VPS41: variants seen among roughly 807,000 people sequenced by gnomAD.
VPS41 encodes vacuolar protein sorting-associated protein 41 homolog.
In VPS41, 85 loss-of-function variants were observed where a neutral mutation model predicts 130.9. The observed-to-expected ratio is 0.65, with a 90% CI of 0.55 to 0.78. The LOEUF (loss-of-function observed/expected upper bound fraction) is 0.78. Among genes scored for constraint, VPS41 ranks in the 30% least tolerant of loss-of-function variants. The probability of loss-of-function intolerance (pLI) is 0.00; values close to 1 mark genes in which losing one functional copy is unlikely to be tolerated. For synonymous variants in VPS41, 335 were observed against 332.9 expected (o/e 1.01, Z -0.07); for missense variants, 874 against 1,018.7 (o/e 0.86, Z 1.93).
intron 8 of VPS41, chr7:38,796,527 C>A (rs762651633): frequency 1.4e-6 from 1 of 697,212 alleles, no homozygotes; most frequent in South Asian, 1.5e-5. Flanking sequence ...GTTTCTTACT[C>A]TAAAATAGAT....
chr7:38,739,296 C>G (rs1795835770), intron 25 of VPS41, among the ~76,000 whole-genome samples: 1 of 152,122 alleles, frequency 6.6e-6, no homozygotes, highest in African/African-American at 2.4e-5. Flanking sequence ...GATGAACATG[C>G]AAAATTTCTC....
At chr7:38,821,122 TGGTA>T (rs1785162444) in intron 6 of VPS41, 77 bp downstream of exon 6, 2 of 999,270 alleles carry the variant, frequency 2.0e-6, no homozygotes, top group East Asian at 4.8e-5. Flanking sequence ...AATACAGAAG[TGGTA>T]ATGTTCAAAT....
At chr7:38,884,042 T>A (rs984347783) in intron 2 of VPS41, among the ~76,000 whole-genome samples, 1 of 152,216 alleles carries the variant, frequency 6.6e-6, no homozygotes, top group African/African-American at 2.4e-5. Flanking sequence ...CAGGGCACAT[T>A]ACCATTTTTG....
At chr7:38,743,372 G>T (rs1490727769) in intron 24 of VPS41, 30 bp downstream of exon 24, 1 of 1,612,804 alleles carries the variant, frequency 6.2e-7, no homozygotes, top group Non-Finnish European at 8.5e-7. Context: ...AGAAAAAAAA[G>T]TTATAACCAG....
chr7:38,738,170 T>G (rs1795809226), intron 25 of VPS41, among the ~76,000 whole-genome samples: 1 of 152,212 alleles, frequency 6.6e-6, no homozygotes, highest in Non-Finnish European at 1.5e-5. Flanking sequence ...GCTTGCTATT[T>G]TCTTTTCCCA....
At chr7:38,796,507 C>T in intron 8 of VPS41, 1 of 626,256 alleles carries the variant, frequency 1.6e-6, no homozygotes, top group Middle Eastern at 2.5e-4. Flanking sequence ...GGCTACTCTC[C>T]ATGCCTCAGG....
At chr7:38,819,369 T>C (rs1785122945) in intron 6 of VPS41, among the ~76,000 whole-genome samples, 1 of 152,216 alleles carries the variant, frequency 6.6e-6, no homozygotes, top group Non-Finnish European at 1.5e-5. Context: ...CTTTTCCTCT[T>C]CACTGGTTTT....
At chr7:38,772,147 C>A (rs1175021749) in intron 13 of VPS41, among the ~76,000 whole-genome samples, 3 of 152,032 alleles carry the variant, frequency 2.0e-5, no homozygotes, top group Non-Finnish European at 4.4e-5. Flanking sequence ...TAGTTCAAAC[C>A]ATCCTAAGTG....
chr7:38,820,145 C>T (rs1349382729), intron 6 of VPS41, among the ~76,000 whole-genome samples: 12 of 152,204 alleles, frequency 7.9e-5, no homozygotes, highest in Admixed American at 2.0e-4. Flanking sequence ...CACTAAGGCT[C>T]GCTAAGTCTA....
intron 10 of VPS41, among the ~76,000 whole-genome samples, chr7:38,787,590 C>T (rs932917945): frequency 3.3e-5 from 5 of 152,124 alleles, no homozygotes; most frequent in Non-Finnish European, 5.9e-5. Context: ...AACTTTCGTG[C>T]TATTTTTGAG....
At chr7:38,746,280 T>C (rs928374328) in intron 22 of VPS41, among the ~76,000 whole-genome samples, 1 of 151,494 alleles carries the variant, frequency 6.6e-6, no homozygotes, top group African/African-American at 2.4e-5. Flanking sequence ...AGACCTACTA[T>C]ATATTGATAA....
rs899516165 is a variant in VPS41, at chr7:38,862,478, A to C, written c.246+67T>G. On this transcript the variant is annotated intron_variant, in intron 4 of 28. Transcript: ENST00000310301. ...TGCTATTAAAACAAACTGGTAAACC[A>C]ATATTCTAAAACACAAATACTTAAC... 8.9e-6 allele frequency: 9 copies of C among 1,011,828 alleles called. No individual in the cohort carries two copies. In the African/African-American group the frequency reaches 1.3e-4, roughly 15 times the overall value. The allele number at this position is 1,011,828 out of a possible 1,614,324, so 62.7% of individuals were successfully genotyped here.
intron 18 of VPS41, 130 bp downstream of exon 18, chr7:38,758,224 T>A: frequency 1.2e-6 from 1 of 831,394 alleles, no homozygotes; most frequent in Non-Finnish European, 1.8e-6. Context: ...TATGAGAGGT[T>A]TTTACTAAGA....
chr7:38,782,107 T>C (rs755401336), intron 10 of VPS41, among the ~76,000 whole-genome samples: 27 of 152,206 alleles, frequency 1.8e-4, no homozygotes, highest in Non-Finnish European at 2.2e-4. Context: ...TGGACCTGTT[T>C]CTTTTGTTTC....
rs558559553 is a variant in VPS41 at position 38,792,815 on chromosome 7, C to T, written c.717+2650G>A. The stretch of plus-strand genomic sequence containing the variant: ...TCCAACATCACCTGCTCCTCCACCA[C>T]ACCCTCCCCGACCCCCACTTACATC... On this transcript the variant is annotated intron_variant, in intron 9 of 28. Coordinates refer to ENST00000310301, the MANE Select transcript of VPS41 (RefSeq NM_014396.4). 4.6e-5 allele frequency among the ~76,000 whole-genome samples: 7 copies of T among 152,220 alleles called. No individual in the cohort carries two copies. The East Asian group carries it at 1.4e-3, about 29-fold the overall frequency.
chr7:38,887,247 T>C (rs1323708753), intron 2 of VPS41, among the ~76,000 whole-genome samples: 1 of 152,166 alleles, frequency 6.6e-6, no homozygotes, highest in East Asian at 1.9e-4. Flanking sequence ...AAGCAGCACG[T>C]TCTAACCCAT....
rs1795481711 is a variant in VPS41 at position 38,723,723 on chromosome 7, C to CAAGAAAAAAAAAAAAAAAAAA, written c.*2522_*2523insTTTTTTTTTTTTTTTTTTCTT. 1 of 38,860 alleles carries CAAGAAAAAAAAAAAAAAAAAA rather than the reference C, an allele frequency of 2.6e-5. No homozygotes were observed. The highest frequency in any genetic ancestry group is 9.9e-5 in the African/African-American group (1 of 10,140). 2.4% of individuals were successfully genotyped at this position (38,860 alleles called of 1,614,324 possible). On this transcript the variant is annotated 3_prime_UTR_variant, in exon 29 of 29. Transcript: ENST00000310301. The stretch of plus-strand genomic sequence containing the variant: ...AAGGCAACAGAACGAGACTCCATCT[C>CAAGAAAAAAAAAAAAAAAAAA]AAAAAAAAAAAAAAAAAAAAAAAAA...
chr7:38,897,384 G>A lies in VPS41; in HGVS notation c.60+707C>T, dbSNP rs914914452. Among the ~76,000 whole-genome samples, 62 of 151,864 alleles carry A rather than the reference G, an allele frequency of 4.1e-4. 1 individual carries two copies. Among genetic ancestry groups the A allele is most frequent in the Non-Finnish European group, 2.2e-4 (15 of 67,996 alleles). On this transcript the variant is annotated intron_variant, in intron 2 of 28. Coordinates refer to ENST00000310301, the MANE Select transcript of VPS41 (RefSeq NM_014396.4). Reference sequence around the variant, plus strand: ...CTCCAGGCCGGGCGCGGTGGCTCACGCCTGTAATCCCAGCACTTTGGGAGG... The same window carrying A: ...CTCCAGGCCGGGCGCGGTGGCTCACACCTGTAATCCCAGCACTTTGGGAGG...
At chr7:38,765,266 C>A (rs1430715055) in intron 16 of VPS41, among the ~76,000 whole-genome samples, 1 of 151,974 alleles carries the variant, frequency 6.6e-6, no homozygotes, top group African/African-American at 2.4e-5. Context: ...AAGTCTTATG[C>A]TTTATAACCT....
Sources: gnomAD v4.1 joint callset for allele counts (sites outside exome capture counted in the v4.1 genomes callset) on GRCh38, gnomAD v4.1.1 for gene constraint, MANE v1.5 for transcripts, NCBI Gene and HGNC (gene_info 2026-07-23, HGNC 2026-07-21) for gene names.